The following PARVA variants were observed in gnomAD, a reference collection of about 807,000 sequenced individuals.
The protein encoded by PARVA is alpha-parvin.
A neutral mutation model predicts 52.6 loss-of-function variants in PARVA; 25 were observed. The observed-to-expected ratio is 0.48, with a 90% confidence interval of 0.35 to 0.66. The LOEUF is 0.66. Among genes scored for constraint, PARVA ranks in the 30% least tolerant of loss-of-function variants. The probability of loss-of-function intolerance (pLI) is 0.01; values close to 1 mark genes in which losing one functional copy is unlikely to be tolerated. For missense variants in PARVA, 373 were observed against 450.9 expected, an observed-to-expected ratio of 0.83 and a Z score of 1.56; for synonymous variants, 185 against 179.1, an observed-to-expected ratio of 1.03 and a Z score of -0.26.
At chr11:12,491,854 T>C (rs1265719082) in intron 4 of PARVA, among the ~76,000 whole-genome samples, 1 of 152,164 alleles carries the variant, frequency 6.6e-6, no homozygotes, top group Non-Finnish European at 1.5e-5. Flanking sequence ...AATCTGTATA[T>C]AGCATATGAT....
upstream of PARVA, chr11:12,377,494 G>C: frequency 7.1e-7 from 1 of 1,413,460 alleles, no homozygotes; most frequent in Non-Finnish European, 9.3e-7. Context: ...GGGAGGGAGC[G>C]AGGGAAGGGA....
intron 1 of PARVA, among the ~76,000 whole-genome samples, chr11:12,458,842 C>T (rs1237815979): frequency 1.3e-5 from 2 of 152,214 alleles, no homozygotes; most frequent in African/African-American, 4.8e-5. Context: ...GGAAAGTCGC[C>T]TTGAGACACT....
intron 1 of PARVA, among the ~76,000 whole-genome samples, chr11:12,421,468 T>C (rs2134984756): frequency 6.6e-6 from 1 of 152,310 alleles, no homozygotes; most frequent in South Asian, 2.1e-4. Context: ...TTTTTTTCTT[T>C]AATCTGCCTT....
intron 4 of PARVA, among the ~76,000 whole-genome samples, chr11:12,488,409 A>G (rs1336287860): frequency 6.6e-6 from 1 of 152,240 alleles, no homozygotes; most frequent in Non-Finnish European, 1.5e-5. Context: ...TCTGATTCCA[A>G]GAACAAGAAG....
intron 1 of PARVA, among the ~76,000 whole-genome samples, chr11:12,417,645 A>G (rs1340069665): frequency 1.3e-5 from 2 of 152,210 alleles, no homozygotes; most frequent in Non-Finnish European, 2.9e-5. Context: ...GCAAGACTGA[A>G]AAATGCAAGA....
At chr11:12,395,042 G>A (rs1320434389) in intron 1 of PARVA, among the ~76,000 whole-genome samples, 3 of 150,638 alleles carry the variant, frequency 2.0e-5, no homozygotes, top group Admixed American at 2.0e-4. Flanking sequence ...AGTGAACCAA[G>A]GTCAGGCCAT....
At chr11:12,508,507 C>A in intron 6 of PARVA, 77 bp from the exon 7 acceptor site, 1 of 972,814 alleles carries the variant, frequency 1.0e-6, no homozygotes, top group Non-Finnish European at 1.7e-6. Flanking sequence ...ATCAGGAATG[C>A]TCATCAGTGT....
intron 10 of PARVA, 130 bp from the exon 11 acceptor site, chr11:12,517,479 CT>C: frequency 1.4e-6 from 1 of 692,788 alleles, no homozygotes; most frequent in Non-Finnish European, 2.6e-6. Flanking sequence ...GCCACTGCCC[CT>C]ACCCCCGAGC....
At chr11:12,510,247 T>C (rs1055990409) in intron 7 of PARVA, among the ~76,000 whole-genome samples, 3 of 152,182 alleles carry the variant, frequency 2.0e-5, no homozygotes, top group Non-Finnish European at 4.4e-5. Flanking sequence ...CATTATTCTT[T>C]CCAGTGCACT....
chr11:12,516,670 T>C (rs971461678), intron 10 of PARVA, among the ~76,000 whole-genome samples: 2 of 152,228 alleles, frequency 1.3e-5, no homozygotes, highest in African/African-American at 2.4e-5. Context: ...ATGTCCTGAT[T>C]GCTTTGTTGT....
At chr11:12,494,471 A>G (rs1941272267) in intron 4 of PARVA, among the ~76,000 whole-genome samples, 1 of 152,202 alleles carries the variant, frequency 6.6e-6, no homozygotes, top group Admixed American at 6.5e-5. Flanking sequence ...GTTATGAATA[A>G]CAAAAGATGT....
chr11:12,404,805 CG>C (rs1468537826), intron 1 of PARVA, among the ~76,000 whole-genome samples: 1 of 152,174 alleles, frequency 6.6e-6, no homozygotes, highest in Non-Finnish European at 1.5e-5. Flanking sequence ...CCCTGGCCAT[CG>C]TTACATCCTC....
chr11:12,501,179 T>C (rs997587251), intron 5 of PARVA, among the ~76,000 whole-genome samples: 2 of 150,760 alleles, frequency 1.3e-5, no homozygotes, highest in African/African-American at 4.8e-5. Context: ...TTTCCAAATG[T>C]TGGCCACAAG....
chr11:12,388,137 C>T (rs1939605109), intron 1 of PARVA, among the ~76,000 whole-genome samples: 1 of 152,212 alleles, frequency 6.6e-6, no homozygotes, highest in South Asian at 2.1e-4. Flanking sequence ...TCAGCCCTCC[C>T]CCAAAAGACA....
At chr11:12,397,560 C>T (rs1387448877) in intron 1 of PARVA, among the ~76,000 whole-genome samples, 9 of 152,246 alleles carry the variant, frequency 5.9e-5, no homozygotes, top group Non-Finnish European at 1.2e-4. Flanking sequence ...AAAACACCTA[C>T]ACACATTTTA....
chr11:12,517,172 C>T (rs1272766319), intron 10 of PARVA, among the ~76,000 whole-genome samples: 1 of 152,124 alleles, frequency 6.6e-6, no homozygotes, highest in Non-Finnish European at 1.5e-5. Flanking sequence ...CTGATGCCTT[C>T]AGTGCTTGTG....
At chr11:12,496,807 C>A (rs961767288) in intron 5 of PARVA, among the ~76,000 whole-genome samples, 1 of 152,332 alleles carries the variant, frequency 6.6e-6, no homozygotes, top group East Asian at 1.9e-4. Flanking sequence ...CAAAATCTCA[C>A]GTTCCTCTTC....
intron 1 of PARVA, among the ~76,000 whole-genome samples, chr11:12,466,013 G>C (rs554911159): frequency 2.0e-5 from 3 of 152,282 alleles, no homozygotes; most frequent in South Asian, 4.1e-4. Flanking sequence ...GTTTAGTGTT[G>C]TCAGTTTTTT....
At chr11:12,397,646 TC>T (rs2134961436) in intron 1 of PARVA, among the ~76,000 whole-genome samples, 1 of 152,250 alleles carries the variant, frequency 6.6e-6, no homozygotes, top group South Asian at 2.1e-4. Flanking sequence ...GGATCTCTAA[TC>T]TTATTGGAAA....
Sources: allele counts gnomAD v4.1 joint callset (sites outside exome capture counted in the v4.1 genomes callset), GRCh38; gene constraint gnomAD v4.1.1; transcripts MANE v1.5; gene names NCBI Gene and HGNC (gene_info 2026-07-23, HGNC 2026-07-21).